TIAM1: variants seen among roughly 807,000 people sequenced by gnomAD.
TIAM1 encodes TIAM Rac1 associated GEF 1, also known as rho guanine nucleotide exchange factor TIAM1.
In TIAM1, 65 loss-of-function variants were observed where a neutral mutation model predicts 163.5. The ratio of observed to expected loss-of-function variants is 0.40; its 90% CI spans 0.33 to 0.49. TIAM1 has a LOEUF of 0.49. Ranked by LOEUF, TIAM1 falls within the 20% of genes least tolerant of loss-of-function variation. The pLI is 0.77. For synonymous variants in TIAM1, 833 were observed against 810.1 expected (o/e 1.03, Z -0.48); for missense variants, 1,789 against 2,044.7 (o/e 0.87, Z 2.41).
At chr21:31,261,865 G>A (rs1048151501) in intron 4 of TIAM1, among the ~76,000 whole-genome samples, 5 of 152,084 alleles carry the variant, frequency 3.3e-5, no homozygotes, top group African/African-American at 4.8e-5. Context: ...TCCGAGAGCC[G>A]GGCTCCTTGC....
chr21:31,304,436 A>C (rs1261444624), intron 2 of TIAM1, among the ~76,000 whole-genome samples: 2 of 152,214 alleles, frequency 1.3e-5, no homozygotes, highest in Non-Finnish European at 2.9e-5. Context: ...ATTCATTGGA[A>C]GCTATCAGGA....
At chr21:31,480,402 T>A (rs2147394053) in intron 1 of TIAM1, among the ~76,000 whole-genome samples, 1 of 152,296 alleles carries the variant, frequency 6.6e-6, no homozygotes, top group East Asian at 1.9e-4. Flanking sequence ...CTGTCCTGGA[T>A]TTACCCAAGG....
chr21:31,162,279 T>G (rs896481054), intron 16 of TIAM1, among the ~76,000 whole-genome samples: 2 of 152,194 alleles, frequency 1.3e-5, no homozygotes, highest in Non-Finnish European at 2.9e-5. Flanking sequence ...TGAGTTAATA[T>G]GGAACAGTGC....
At chr21:31,554,871 C>A (rs1426284893) in intron 1 of TIAM1, among the ~76,000 whole-genome samples, 2 of 152,156 alleles carry the variant, frequency 1.3e-5, no homozygotes, top group African/African-American at 4.8e-5. Flanking sequence ...CACACACGCA[C>A]TGGAGGAATC....
At chr21:31,318,629 T>C (rs2075205986) in intron 2 of TIAM1, among the ~76,000 whole-genome samples, 1 of 152,244 alleles carries the variant, frequency 6.6e-6, no homozygotes, top group Admixed American at 6.5e-5. Context: ...AATCTGTCAA[T>C]TTTATCATGG....
intron 2 of TIAM1, among the ~76,000 whole-genome samples, chr21:31,440,998 AG>A (rs2044399648): frequency 6.6e-6 from 1 of 152,224 alleles, no homozygotes; most frequent in Non-Finnish European, 1.5e-5. Context: ...CCATCGTGGA[AG>A]GAAACACATA....
At chr21:31,409,882 C>CA (rs2077315937) in intron 2 of TIAM1, among the ~76,000 whole-genome samples, 1 of 145,452 alleles carries the variant, frequency 6.9e-6, no homozygotes, top group Non-Finnish European at 1.5e-5. Flanking sequence ...TTAAGGAGGC[C>CA]TTTTTTTTTT....
chr21:31,519,497 A>G (rs980745479), intron 1 of TIAM1, among the ~76,000 whole-genome samples: 2 of 131,190 alleles, frequency 1.5e-5, no homozygotes, highest in African/African-American at 5.7e-5. Context: ...CCACAGAGCG[A>G]GATTCTGTCT....
At chr21:31,257,709 G>T (rs992021145) in intron 4 of TIAM1, among the ~76,000 whole-genome samples, 2 of 152,010 alleles carry the variant, frequency 1.3e-5, no homozygotes, top group African/African-American at 4.8e-5. Context: ...CCCTCCCCCG[G>T]TGTCCCGCGT....
chr21:31,223,716 G>T (rs987896463), intron 7 of TIAM1, 125 bp from the exon 8 acceptor site: 3 of 959,540 alleles, frequency 3.1e-6, no homozygotes, highest in African/African-American at 3.4e-5. Context: ...ATAAACAACA[G>T]GTACCTAAGT....
intron 2 of TIAM1, among the ~76,000 whole-genome samples, chr21:31,460,903 CT>C (rs2045300830): frequency 6.6e-6 from 1 of 152,098 alleles, no homozygotes; most frequent in Non-Finnish European, 1.5e-5. Flanking sequence ...AATTTTCAAT[CT>C]ATTTCATTTT....
intron 11 of TIAM1, among the ~76,000 whole-genome samples, chr21:31,205,099 T>C (rs2086384275): frequency 6.6e-6 from 1 of 152,240 alleles, no homozygotes; most frequent in Admixed American, 6.5e-5. Context: ...GTGTGCTACT[T>C]ACTGCTGGAG....
chr21:31,329,410 A>T (rs2075603936), intron 2 of TIAM1, among the ~76,000 whole-genome samples: 1 of 152,236 alleles, frequency 6.6e-6, no homozygotes, highest in African/African-American at 2.4e-5. Context: ...CTGTGCACAC[A>T]GTCCTGACGA....
chr21:31,363,674 G>A (rs1052683369), intron 2 of TIAM1, among the ~76,000 whole-genome samples: 6 of 152,042 alleles, frequency 3.9e-5, no homozygotes, highest in Non-Finnish European at 5.9e-5. Flanking sequence ...ATCACACGAT[G>A]AATGTCTTAG....
chr21:31,330,880 T>C (rs752135147), intron 2 of TIAM1, among the ~76,000 whole-genome samples: 1 of 152,116 alleles, frequency 6.6e-6, no homozygotes, highest in African/African-American at 2.4e-5. Flanking sequence ...TAGTTTTATA[T>C]ACACATGCAT....
chr21:31,454,472 G>T (rs1444315305), intron 2 of TIAM1, among the ~76,000 whole-genome samples: 1 of 152,068 alleles, frequency 6.6e-6, no homozygotes, highest in East Asian at 1.9e-4. Context: ...GTCTTAACAC[G>T]GGCCAGAGCA....
intron 2 of TIAM1, among the ~76,000 whole-genome samples, chr21:31,376,384 C>G (rs1208680549): frequency 6.6e-6 from 1 of 152,180 alleles, no homozygotes; most frequent in Non-Finnish European, 1.5e-5. Context: ...CCACGGTATG[C>G]AGGGCACCCA....
chr21:31,521,243 C>T (rs578026427), intron 1 of TIAM1, among the ~76,000 whole-genome samples: 176 of 152,234 alleles, frequency 1.2e-3, no homozygotes, highest in Admixed American at 4.1e-3. Context: ...TGGAAATGAC[C>T]GGAGAGCTGG....
intron 1 of TIAM1, among the ~76,000 whole-genome samples, chr21:31,557,730 C>T (rs2048930880): frequency 6.6e-6 from 1 of 152,164 alleles, no homozygotes; most frequent in African/African-American, 2.4e-5. Context: ...TGCACAGTGT[C>T]CCCAAGGGCT....
Sources: allele counts gnomAD v4.1 joint callset (sites outside exome capture counted in the v4.1 genomes callset), GRCh38; gene constraint gnomAD v4.1.1; transcripts MANE v1.5; gene names NCBI Gene and HGNC (gene_info 2026-07-23, HGNC 2026-07-21).